CSMD1: variants seen among roughly 807,000 people sequenced by gnomAD.
CSMD1 encodes CUB and sushi domain-containing protein 1.
CSMD1 carries 213 observed loss-of-function variants against 417.5 expected under a neutral mutation model. That is an observed-to-expected ratio of 0.51 (90% CI 0.46 to 0.57). The LOEUF (loss-of-function observed/expected upper bound fraction) is 0.57, where lower values mean the gene tolerates loss of function less well. CSMD1 is among the 20% of genes least tolerant of loss of function. The pLI, the probability that CSMD1 is intolerant of heterozygous loss-of-function variation, is 0.00. For synonymous variants in CSMD1, 2,862 were observed against 1,736.8 expected (o/e 1.65, Z -16.11); for missense variants, 6,923 against 4,529.7 (o/e 1.53, Z -15.17).
At chr8:3,167,607 T>C (rs529508875) in intron 37 of CSMD1, among the ~76,000 whole-genome samples, 2 of 152,330 alleles carry the variant, frequency 1.3e-5, no homozygotes, top group South Asian at 4.1e-4. Flanking sequence ...CAAAGATGCT[T>C]CTATGTAAAA....
chr8:4,334,210 A>G (rs1247074527), intron 3 of CSMD1, among the ~76,000 whole-genome samples: 1 of 152,028 alleles, frequency 6.6e-6, no homozygotes, highest in Admixed American at 6.6e-5. Flanking sequence ...CCTGGCCCTT[A>G]AAATTCTGTT....
rs201683055 is a variant in CSMD1, at chr8:4,008,383, A to C, written c.611-10273T>G. ...ATACTAATAAGCATGAAAATATATCAAAGTTTTCAGACACTAATATGTATT... is the reference window on the plus strand; with the variant it reads ...ATACTAATAAGCATGAAAATATATCCAAGTTTTCAGACACTAATATGTATT... On this transcript the variant is annotated intron_variant, in intron 4 of 69. Coordinates refer to ENST00000635120, the MANE Select transcript of CSMD1 (RefSeq NM_033225.6). Among the ~76,000 whole-genome samples, 80 of 151,932 alleles carry C rather than the reference A, an allele frequency of 5.3e-4. 2 individuals are homozygous for C. In the East Asian group the frequency reaches 0.013, roughly 24 times the overall value.
intron 2 of CSMD1, among the ~76,000 whole-genome samples, chr8:4,470,064 G>T (rs571275164): frequency 6.6e-6 from 1 of 151,878 alleles, no homozygotes; most frequent in African/African-American, 2.4e-5. Flanking sequence ...TAGAGATGGG[G>T]TTTCACCGTG....
At chr8:4,557,115 T>C (rs1798128984) in intron 2 of CSMD1, among the ~76,000 whole-genome samples, 1 of 152,222 alleles carries the variant, frequency 6.6e-6, no homozygotes, top group Non-Finnish European at 1.5e-5. Context: ...ATCTCTGCCA[T>C]ATCCTGGGTG....
chr8:4,125,219 G>T (rs550206743), intron 3 of CSMD1, among the ~76,000 whole-genome samples: 1 of 152,114 alleles, frequency 6.6e-6, no homozygotes, highest in African/African-American at 2.4e-5. Flanking sequence ...GGTCGAGCTG[G>T]GAACTGCTTA....
At chr8:3,293,521 GTTTC>G (rs1232056724) in intron 25 of CSMD1, among the ~76,000 whole-genome samples, 1 of 151,988 alleles carries the variant, frequency 6.6e-6, no homozygotes, top group African/African-American at 2.4e-5. Flanking sequence ...GGCTTTGTTT[GTTTC>G]TTTTTATTCT....
At chr8:4,269,231 A>G (rs1032294148) in intron 3 of CSMD1, among the ~76,000 whole-genome samples, 3 of 151,934 alleles carry the variant, frequency 2.0e-5, no homozygotes, top group South Asian at 2.1e-4. Context: ...TAATTTTTGT[A>G]TATTTAGCAG....
At chr8:4,894,567 A>AAGG (rs35505682) in intron 1 of CSMD1, among the ~76,000 whole-genome samples, 3 of 3,218 alleles carry the variant, frequency 9.3e-4, no homozygotes, top group East Asian at 0.071. Flanking sequence ...AAGAAAAAAA[A>AAGG]AAAAAAAAGC....
At chr8:4,856,693 A>T (rs1801820294) in intron 1 of CSMD1, among the ~76,000 whole-genome samples, 1 of 149,420 alleles carries the variant, frequency 6.7e-6, no homozygotes, top group East Asian at 2.0e-4. Flanking sequence ...TGCTAAAGGG[A>T]TCAATTCAAC....
chr8:3,104,777 G>A lies in CSMD1; in HGVS notation c.6949+1751C>T, dbSNP rs151203151. ...GGCTGGAGAGCAATGGCAAGATCTCGGCTCACTGCAACCTCCACCTCCTGG... is the reference window on the plus strand; with the variant it reads ...GGCTGGAGAGCAATGGCAAGATCTCAGCTCACTGCAACCTCCACCTCCTGG... On this transcript the variant is annotated intron_variant, in intron 46 of 69. Transcript: ENST00000635120. Among the ~76,000 whole-genome samples, 236 of 149,068 alleles carry A rather than the reference G, an allele frequency of 1.6e-3. 1 individual carries two copies. Among genetic ancestry groups the A allele is most frequent in the African/African-American group, 5.6e-3 (226 of 40,254 alleles).
At chr8:3,999,173 C>T (rs1815462493) in intron 4 of CSMD1, among the ~76,000 whole-genome samples, 2 of 151,328 alleles carry the variant, frequency 1.3e-5, no homozygotes, top group African/African-American at 4.9e-5. Flanking sequence ...CTTTTTCTTT[C>T]TTTCCTCAAA....
At chr8:4,062,894 C>T (rs1042481045) in intron 3 of CSMD1, among the ~76,000 whole-genome samples, 1 of 147,570 alleles carries the variant, frequency 6.8e-6, no homozygotes, top group African/African-American at 2.5e-5. Context: ...GAGTAAACTG[C>T]AGCAATATTA....
At chr8:3,559,720 T>C (rs997231134) in intron 10 of CSMD1, among the ~76,000 whole-genome samples, 2 of 152,180 alleles carry the variant, frequency 1.3e-5, no homozygotes, top group African/African-American at 2.4e-5. Context: ...ATTGATTGTA[T>C]TTTATACATA....
intron 5 of CSMD1, among the ~76,000 whole-genome samples, chr8:3,917,043 C>T (rs891291357): frequency 6.6e-6 from 1 of 152,056 alleles, no homozygotes; most frequent in South Asian, 2.1e-4. Flanking sequence ...TATTTTCTTC[C>T]TCTTTTTGAA....
At chr8:4,811,387 G>T (rs771333793) in intron 1 of CSMD1, among the ~76,000 whole-genome samples, 1 of 151,730 alleles carries the variant, frequency 6.6e-6, no homozygotes, top group African/African-American at 2.4e-5. Context: ...ATTAAAATTA[G>T]TTTTTTTTAA....
intron 10 of CSMD1, among the ~76,000 whole-genome samples, chr8:3,564,404 T>C (rs528887423): frequency 3.3e-5 from 5 of 152,322 alleles, no homozygotes; most frequent in South Asian, 2.1e-4. Context: ...ACCTGCTAAA[T>C]AGTTGCAAGT....
At chr8:3,294,040 T>G (rs1001866922) in intron 25 of CSMD1, among the ~76,000 whole-genome samples, 1 of 152,178 alleles carries the variant, frequency 6.6e-6, no homozygotes, top group Non-Finnish European at 1.5e-5. Flanking sequence ...GTTTTCCTTC[T>G]AACAGTCAGG....
intron 2 of CSMD1, among the ~76,000 whole-genome samples, chr8:4,543,181 C>A (rs1031346051): frequency 6.6e-6 from 1 of 152,118 alleles, no homozygotes; most frequent in Non-Finnish European, 1.5e-5. Flanking sequence ...CATTCTATTT[C>A]TTTGTGTTAT....
At chr8:3,055,136 C>A (rs2219569) in intron 49 of CSMD1, among the ~76,000 whole-genome samples, 1 of 152,036 alleles carries the variant, frequency 6.6e-6, no homozygotes, top group African/African-American at 2.4e-5. Flanking sequence ...TTCTATCGGA[C>A]GAAATGGGAA....
Sources: gnomAD v4.1 joint callset for allele counts (sites outside exome capture counted in the v4.1 genomes callset) on GRCh38, gnomAD v4.1.1 for gene constraint, MANE v1.5 for transcripts, NCBI Gene and HGNC (gene_info 2026-07-23, HGNC 2026-07-21) for gene names.